Variants in OSBPL5 observed in about 807,000 individuals in gnomAD.
OSBPL5 encodes the protein oxysterol binding protein like 5, also known as oxysterol-binding protein-related protein 5.
In OSBPL5, 71 loss-of-function variants were observed where a neutral mutation model predicts 111.2. That is an observed-to-expected ratio of 0.64 (90% CI 0.53 to 0.78). The LOEUF is 0.78. Ranked by LOEUF, OSBPL5 falls within the 30% of genes least tolerant of loss-of-function variation. OSBPL5 has a pLI of 0.00. For synonymous variants in OSBPL5, 549 were observed against 513.9 expected, an observed-to-expected ratio of 1.07 and a Z score of -0.93; for missense variants, 1,210 against 1,189.3, an observed-to-expected ratio of 1.02 and a Z score of -0.26.
chr11:3,092,346 G>A lies in OSBPL5; in HGVS notation c.2259+86C>T. The A allele has an allele frequency of 6.9e-7, 1 of 1,443,580 alleles. No homozygotes were observed. Among genetic ancestry groups the A allele is most frequent in the South Asian group, 1.4e-5 (1 of 71,096 alleles). The allele number at this position is 1,443,580 out of a possible 1,614,324, so 89.4% of individuals were successfully genotyped here. On this transcript the variant is annotated intron_variant, in intron 19 of 21. Coordinates refer to ENST00000263650, the MANE Select transcript of OSBPL5 (RefSeq NM_020896.4). The surrounding 1 kb of genome is among the most constrained non-coding windows in gnomAD (Gnocchi z 5.4). ...CGTGAGGGAAACGGAGCGAGGGGAA[G>A]GGAGGAGTGAGGTGAGGAGCGAGGG...
rs1057321786 is a variant in OSBPL5 at position 3,140,667 on chromosome 11, A to G, written c.-21-11498T>C. ...GGCTCCCCTCTGTCCCCCAGCTCAC[A>G]TTACCCAGGACTGGCTGTAGGAGCC... On this transcript the variant is annotated intron_variant, in intron 1 of 21. Transcript: ENST00000263650. The surrounding 1 kb of genome is among the most constrained non-coding windows in gnomAD (Gnocchi z 4.5). 6.6e-6 allele frequency among the ~76,000 whole-genome samples: 1 copy of G among 152,156 alleles called. No individual in the cohort carries two copies. The highest frequency in any genetic ancestry group is 1.5e-5 in the Non-Finnish European group (1 of 68,016).
chr11:3,115,981 A>G (rs1262605653), intron 7 of OSBPL5, among the ~76,000 whole-genome samples: 1 of 151,974 alleles, frequency 6.6e-6, no homozygotes, highest in Non-Finnish European at 1.5e-5. Context: ...AAACCTTTAA[A>G]ATTTGACAAA....
intron 1 of OSBPL5, among the ~76,000 whole-genome samples, chr11:3,151,743 C>T (rs1262433847): frequency 6.6e-6 from 1 of 152,234 alleles, no homozygotes; most frequent in Non-Finnish European, 1.5e-5. Context: ...CGGCAGATGC[C>T]AGTCTGCCCC....
In OSBPL5 at chr11:3,106,551, G is replaced by A. The variant is rs942445803; in HGVS notation, c.1059+712C>T. Among the ~76,000 whole-genome samples the A allele has an allele frequency of 6.6e-6, 1 of 152,152 alleles. No individual in the cohort carries two copies. Among genetic ancestry groups the A allele is most frequent in the Non-Finnish European group, 1.5e-5 (1 of 68,022 alleles). ...GGCCACGTGAGTTCTCTCCAGCTGC[G>A]GGGAGTCAGCTGCCCTGGCTGTTCA... On this transcript the variant is annotated intron_variant, in intron 9 of 21. Transcript: ENST00000263650. This position sits in a 1 kb window ranked among gnomAD's most constrained non-coding sequence, Gnocchi z 8.4.
At position 3,161,393 on chromosome 11, in the gene OSBPL5, T is replaced by C. The variant is rs1483918555; in HGVS notation, c.-22+3823A>G. The C allele has an allele frequency of 1.3e-5, 2 of 152,092 alleles. No individual in the cohort carries two copies. Among genetic ancestry groups the C allele is most frequent in the Non-Finnish European group, 1.5e-5 (1 of 68,030 alleles). The allele number at this position is 152,092 out of a possible 1,614,324, so 9.4% of individuals were successfully genotyped here. On this transcript the variant is annotated intron_variant, in intron 1 of 21. Coordinates refer to ENST00000263650, the MANE Select transcript of OSBPL5 (RefSeq NM_020896.4). This position sits in a 1 kb window ranked among gnomAD's most constrained non-coding sequence, Gnocchi z 8.0. Reference sequence around the variant, plus strand: ...TTCCCATCCTAGAGCATGGAGGAAATGAGCTGGTCACGTCCCACACCAGCC... The same window carrying C: ...TTCCCATCCTAGAGCATGGAGGAAACGAGCTGGTCACGTCCCACACCAGCC...
intron 1 of OSBPL5, among the ~76,000 whole-genome samples, chr11:3,148,019 C>T (rs769491103): frequency 9.2e-5 from 14 of 152,216 alleles, no homozygotes; most frequent in Non-Finnish European, 1.3e-4. Context: ...CGCACGCCCC[C>T]GGCACCCAGA....
intron 7 of OSBPL5, among the ~76,000 whole-genome samples, chr11:3,111,941 C>T (rs942624106): frequency 6.8e-6 from 1 of 148,088 alleles, no homozygotes; most frequent in Non-Finnish European, 1.5e-5. Flanking sequence ...TAATGAAAAG[C>T]TAACATCCAA....
At chr11:3,097,051 A>AGGAAAGAGGGGGAAGATGGGAGG (rs1564824706) in intron 14 of OSBPL5, among the ~76,000 whole-genome samples, 1 of 1,622 alleles carries the variant, frequency 6.2e-4, no homozygotes, top group African/African-American at 2.4e-3. Context: ...AAGACAGGAG[A>AGGAAAGAGGGGGAAGATGGGAGG]AGGAGAGGAA....
chr11:3,132,312 C>T lies in OSBPL5; in HGVS notation c.-21-3143G>A, dbSNP rs554865115. 7.9e-5 allele frequency among the ~76,000 whole-genome samples: 12 copies of T among 152,182 alleles called. No individual in the cohort carries two copies. The South Asian group carries it at 1.0e-3, about 13-fold the overall frequency. Reference sequence around the variant, plus strand: ...CGGGCCCTGCAGACCACCTCTGACCCGCTCAGACAGGGTGGGCGGCAGCTC... The same window carrying T: ...CGGGCCCTGCAGACCACCTCTGACCTGCTCAGACAGGGTGGGCGGCAGCTC... On this transcript the variant is annotated intron_variant, in intron 1 of 21. Transcript: ENST00000263650.
rs1219461204 is a variant in OSBPL5, at chr11:3,141,628, C to A, written c.-21-12459G>T. On this transcript the variant is annotated intron_variant, in intron 1 of 21. Coordinates refer to ENST00000263650, the MANE Select transcript of OSBPL5 (RefSeq NM_020896.4). The surrounding 1 kb of genome is among the most constrained non-coding windows in gnomAD (Gnocchi z 6.5). ...GGATTTTGCTGACCTCCAAGGGGAA[C>A]CCTTCTATGAACGGAAAGCTCGCAC... Among the ~76,000 whole-genome samples, 1 of 152,188 alleles carries A rather than the reference C, an allele frequency of 6.6e-6. No individual in the cohort carries two copies. The highest frequency in any genetic ancestry group is 1.5e-5 in the Non-Finnish European group (1 of 68,034).
intron 19 of OSBPL5, among the ~76,000 whole-genome samples, chr11:3,091,926 T>C (rs1217555019): frequency 6.6e-6 from 1 of 152,080 alleles, no homozygotes; most frequent in African/African-American, 2.4e-5. Context: ...TCAGCACACC[T>C]GGAACGGGGG....
intron 2 of OSBPL5, 30 bp downstream of exon 2, chr11:3,128,983 C>T: frequency 1.3e-6 from 2 of 1,488,288 alleles, no homozygotes; most frequent in Non-Finnish European, 1.8e-6. Context: ...AGCTGAGGGC[C>T]AGGTTGCCCT....
chr11:3,123,621 A>G (rs929612461), intron 3 of OSBPL5, among the ~76,000 whole-genome samples: 3 of 152,212 alleles, frequency 2.0e-5, no homozygotes, highest in African/African-American at 7.2e-5. Flanking sequence ...AGCACTTTCC[A>G]GCGGAGCCTC....
intron 7 of OSBPL5, among the ~76,000 whole-genome samples, chr11:3,115,535 C>A (rs904128963): frequency 6.6e-6 from 1 of 152,156 alleles, no homozygotes; most frequent in Admixed American, 6.5e-5. Context: ...CCTCAAGGCC[C>A]AGAGACTATC....
At chr11:3,127,660 TA>T (rs1415554564) in intron 2 of OSBPL5, among the ~76,000 whole-genome samples, 2 of 152,232 alleles carry the variant, frequency 1.3e-5, no homozygotes, top group Admixed American at 6.5e-5. Context: ...CACTTTCTCA[TA>T]TAGTTCTAGG....
chr11:3,129,171 T>C lies in OSBPL5; in HGVS notation c.-21-2A>G. On this transcript the variant is annotated splice_acceptor_variant, in intron 1 of 21. Transcript: ENST00000263650. LOFTEE classifies it low-confidence loss of function (5UTR_SPLICE). ...CATGCTGTGGGCGCTCGGGGGCTTCTGGAAGGAAGGAAGGAGGGGCAGCAG... is the reference window on the plus strand; with the variant it reads ...CATGCTGTGGGCGCTCGGGGGCTTCCGGAAGGAAGGAAGGAGGGGCAGCAG... 1 of 1,379,600 alleles carries C rather than the reference T, an allele frequency of 7.2e-7. No homozygotes were observed. Among genetic ancestry groups the C allele is most frequent in the South Asian group, 1.7e-5 (1 of 59,424 alleles). The allele number at this position is 1,379,600 out of a possible 1,614,324, so 85.5% of individuals were successfully genotyped here.
At chr11:3,143,004 GCA>G (rs1846178412) in intron 1 of OSBPL5, among the ~76,000 whole-genome samples, 1 of 99,060 alleles carries the variant, frequency 1.0e-5, no homozygotes, top group East Asian at 3.6e-4. Context: ...GGAGGCAGGT[GCA>G]GAGGGGGGCA....
In OSBPL5 at chr11:3,140,641, C is replaced by G. The variant is rs567859273; in HGVS notation, c.-21-11472G>C. 6.6e-6 allele frequency among the ~76,000 whole-genome samples: 1 copy of G among 152,142 alleles called. No homozygotes were observed. Among genetic ancestry groups the G allele is most frequent in the Non-Finnish European group, 1.5e-5 (1 of 68,016 alleles). The stretch of plus-strand genomic sequence containing the variant: ...CACCAGTGGACAGGCATCGTCGTCC[C>G]GGCTCCCCTCTGTCCCCCAGCTCAC... On this transcript the variant is annotated intron_variant, in intron 1 of 21. Transcript: ENST00000263650. The surrounding 1 kb of genome is among the most constrained non-coding windows in gnomAD (Gnocchi z 4.5).
Position 3,107,172 on chromosome 11 carries a change from C to T in OSBPL5, c.1059+91G>A, listed in dbSNP as rs1857726974. 5 of 1,441,900 alleles carry T rather than the reference C, an allele frequency of 3.5e-6. No homozygotes were observed. Among genetic ancestry groups the T allele is most frequent in the African/African-American group, 1.4e-5 (1 of 70,030 alleles). The allele number at this position is 1,441,900 out of a possible 1,614,324, so 89.3% of individuals were successfully genotyped here. On this transcript the variant is annotated intron_variant, in intron 9 of 21. Transcript: ENST00000263650. This position sits in a 1 kb window ranked among gnomAD's most constrained non-coding sequence, Gnocchi z 6.1. ...AGCTACCCCCTGGGCCCTGCGTGCT[C>T]CCCCTAGGATGAGGCATGGCTACCT...
Sources: gnomAD v4.1 joint callset for allele counts (sites outside exome capture counted in the v4.1 genomes callset) on GRCh38, gnomAD v4.1.1 for gene constraint, Gnocchi (gnomAD v3.1) non-coding constraint, MANE v1.5 for transcripts, NCBI Gene and HGNC (gene_info 2026-07-23, HGNC 2026-07-21) for gene names.